FOXP1: variants seen among roughly 807,000 people sequenced by gnomAD.
FOXP1 encodes forkhead box P1.
Under a neutral mutation model 98.2 loss-of-function variants are expected in FOXP1, and 15 were observed. That is an observed-to-expected ratio of 0.15 (90% confidence interval 0.10 to 0.24). The LOEUF (loss-of-function observed/expected upper bound fraction) is 0.24, where lower values mean the gene tolerates loss of function less well. Ranked by LOEUF, FOXP1 falls within the 10% of genes least tolerant of loss-of-function variation. The pLI is 1.00. For synonymous variants in FOXP1, 371 were observed against 314.5 expected, an observed-to-expected ratio of 1.18 and a Z score of -1.90; for missense variants, 633 against 848.5, an observed-to-expected ratio of 0.75 and a Z score of 3.15.
At chr3:71,179,519 G>A (rs1171542919) in intron 6 of FOXP1, among the ~76,000 whole-genome samples, 1 of 152,168 alleles carries the variant, frequency 6.6e-6, no homozygotes, top group Non-Finnish European at 1.5e-5. Context: ...GATGCCACTT[G>A]AAACCAAGAA....
chr3:71,414,709 A>G (rs189119521), intron 3 of FOXP1, among the ~76,000 whole-genome samples: 3 of 152,214 alleles, frequency 2.0e-5, no homozygotes, highest in African/African-American at 7.2e-5. Flanking sequence ...CCTCAAAGGC[A>G]CCTCTTAGGA....
chr3:71,351,824 A>C (rs976402994), intron 4 of FOXP1, among the ~76,000 whole-genome samples: 5 of 152,234 alleles, frequency 3.3e-5, no homozygotes, highest in Admixed American at 6.5e-5. Flanking sequence ...GGCTAGAGAG[A>C]TGAGGTTAAT....
chr3:71,232,372 G>C (rs2066359583), intron 5 of FOXP1, among the ~76,000 whole-genome samples: 1 of 152,118 alleles, frequency 6.6e-6, no homozygotes, highest in Non-Finnish European at 1.5e-5. Flanking sequence ...AGCAATGTCT[G>C]CTATGAGAAC....
chr3:71,236,317 G>C (rs1219507161), intron 5 of FOXP1, among the ~76,000 whole-genome samples: 2 of 152,192 alleles, frequency 1.3e-5, no homozygotes, highest in African/African-American at 4.8e-5. Flanking sequence ...AATATTTGCT[G>C]TGTGTGGCTT....
chr3:71,332,118 C>CT (rs2076361335), intron 4 of FOXP1: 1 of 152,286 alleles, frequency 6.6e-6, no homozygotes, highest in Non-Finnish European at 1.5e-5. Context: ...AAGCTTTGTT[C>CT]TTTCGCTGTT....
At chr3:71,262,263 A>T in intron 5 of FOXP1, among the ~76,000 whole-genome samples, 1 of 88,500 alleles carries the variant, frequency 1.1e-5, no homozygotes, top group Non-Finnish European at 2.1e-5. Context: ...AGACTCTGTC[A>T]CAAAAAAAAA....
At chr3:71,153,889 C>T (rs2060694803) in intron 6 of FOXP1, among the ~76,000 whole-genome samples, 1 of 152,146 alleles carries the variant, frequency 6.6e-6, no homozygotes, top group Non-Finnish European at 1.5e-5. Flanking sequence ...CGGCAATAAA[C>T]ATTAATGAAT....
intron 2 of FOXP1, among the ~76,000 whole-genome samples, chr3:71,565,461 A>C (rs918280361): frequency 6.6e-6 from 1 of 152,180 alleles, no homozygotes; most frequent in African/African-American, 2.4e-5. Context: ...GGGGGAGCTA[A>C]ACAGACTCTT....
intron 5 of FOXP1, among the ~76,000 whole-genome samples, chr3:71,225,633 C>A (rs1214962279): frequency 6.6e-6 from 1 of 152,188 alleles, no homozygotes; most frequent in Non-Finnish European, 1.5e-5. Flanking sequence ...GTCTGTTAAA[C>A]ACTCCTGTTA....
At chr3:71,516,585 C>A (rs2042597945) in intron 2 of FOXP1, among the ~76,000 whole-genome samples, 1 of 152,126 alleles carries the variant, frequency 6.6e-6, no homozygotes. Flanking sequence ...GTGGCTCATG[C>A]CTGTAATCCT....
At chr3:71,297,616 A>ATTTTT (rs33920121) in intron 5 of FOXP1, among the ~76,000 whole-genome samples, 1 of 135,204 alleles carries the variant, frequency 7.4e-6, no homozygotes, top group Non-Finnish European at 1.5e-5. Context: ...GCTTTGTTTA[A>ATTTTT]TTTTTTTTTT....
intron 5 of FOXP1, among the ~76,000 whole-genome samples, chr3:71,248,393 C>A (rs1472887716): frequency 6.6e-6 from 1 of 152,006 alleles, no homozygotes. Context: ...AAGTCAGGAC[C>A]CACAGTCAGA....
At chr3:71,411,905 C>T (rs1032051682) in intron 3 of FOXP1, among the ~76,000 whole-genome samples, 1 of 152,226 alleles carries the variant, frequency 6.6e-6, no homozygotes, top group Non-Finnish European at 1.5e-5. Context: ...CATCCACCGA[C>T]TGAGACGTGG....
intron 3 of FOXP1, among the ~76,000 whole-genome samples, chr3:71,450,865 A>G (rs562280959): frequency 6.6e-6 from 1 of 152,120 alleles, no homozygotes; most frequent in South Asian, 2.1e-4. Flanking sequence ...TGTTTTGGGC[A>G]CTTCCATTTC....
At chr3:71,344,326 ATTC>A (rs1309174104) in intron 4 of FOXP1, among the ~76,000 whole-genome samples, 1 of 152,144 alleles carries the variant, frequency 6.6e-6, no homozygotes, top group Non-Finnish European at 1.5e-5. Context: ...CTTTTTTTCT[ATTC>A]TTCTGTCGTT....
At chr3:71,356,074 T>C (rs980415159) in intron 4 of FOXP1, among the ~76,000 whole-genome samples, 4 of 151,586 alleles carry the variant, frequency 2.6e-5, no homozygotes, top group African/African-American at 9.7e-5. Flanking sequence ...GGATGGAGGA[T>C]GAGGTGGCAG....
In FOXP1 at chr3:71,121,762, A is replaced by G. The variant is rs529746325; in HGVS notation, c.181-9125T>C. Among the ~76,000 whole-genome samples, 3 of 152,300 alleles carry G rather than the reference A, an allele frequency of 2.0e-5. No individual in the cohort carries two copies. The South Asian group carries it at 6.2e-4, about 32-fold the overall frequency. On this transcript the variant is annotated intron_variant, in intron 6 of 20. Coordinates refer to ENST00000649528, the MANE Select transcript of FOXP1 (RefSeq NM_001349338.3). ...GTAAAACAGAAGTGAAGTTTATTAGAAAATGTCTAAAATGTTAAGTTGGAT... is the reference window on the plus strand; with the variant it reads ...GTAAAACAGAAGTGAAGTTTATTAGGAAATGTCTAAAATGTTAAGTTGGAT...
chr3:71,095,910 G>GTT (rs1004430018), intron 7 of FOXP1, among the ~76,000 whole-genome samples: 3 of 152,184 alleles, frequency 2.0e-5, no homozygotes, highest in African/African-American at 7.2e-5. Context: ...AAATCTCAAG[G>GTT]TAGACCTTCA....
At chr3:71,147,865 A>C (rs748948243) in intron 6 of FOXP1, among the ~76,000 whole-genome samples, 4 of 152,216 alleles carry the variant, frequency 2.6e-5, no homozygotes, top group Non-Finnish European at 5.9e-5. Context: ...ATTACGAAAA[A>C]TTTAGGAACC....
Sources: gnomAD v4.1 joint callset for allele counts (sites outside exome capture counted in the v4.1 genomes callset) on GRCh38, gnomAD v4.1.1 for gene constraint, MANE v1.5 for transcripts, NCBI Gene and HGNC (gene_info 2026-07-23, HGNC 2026-07-21) for gene names.